Variants in MRPL46 observed in about 807,000 individuals in gnomAD.
MRPL46 encodes the protein large ribosomal subunit protein mL46.
In MRPL46, 26 loss-of-function variants were observed where a neutral mutation model predicts 31.0. The ratio of observed to expected loss-of-function variants is 0.84; its 90% CI spans 0.61 to 1.16. The LOEUF (loss-of-function observed/expected upper bound fraction) is 1.16, where lower values mean the gene tolerates loss of function less well. Ranked by LOEUF, MRPL46 falls within the 50% of genes most tolerant of loss-of-function variation. MRPL46 has a pLI of 0.00. For synonymous variants in MRPL46, 159 were observed against 141.3 expected, an observed-to-expected ratio of 1.13 and a Z score of -0.89; for missense variants, 395 against 340.0, an observed-to-expected ratio of 1.16 and a Z score of -1.27.
At position 88,467,339 on chromosome 15, in the gene MRPL46, C is replaced by T. The variant is rs773592658; in HGVS notation, c.39G>A (p.Ala13=). 2 of 1,601,810 alleles carry T rather than the reference C, an allele frequency of 1.2e-6. No homozygotes were observed. The highest frequency in any genetic ancestry group is 1.7e-6 in the Non-Finnish European group (2 of 1,174,278). ...GCCTCTCGAACCGCCGCCAACCCCC[C>T]GCCACCCCTAACAGCGTCCGCCTTA... The part of the protein sequence containing the change: ...APVRRTLLGV[A]GGWRRFERLW... Residue 13 remains alanine (A), a synonymous_variant, in exon 1 of 4, where the codon GCG becomes GCA. Transcript: ENST00000312475.
chr15:88,464,549 A>T lies in MRPL46; in HGVS notation c.589+154T>A, dbSNP rs2055504832. 4.0e-6 allele frequency: 3 copies of T among 752,362 alleles called. No homozygotes were observed. The Admixed American group carries it at 8.9e-5, about 22-fold the overall frequency. 46.6% of individuals were successfully genotyped at this position (752,362 alleles called of 1,614,324 possible). ...TAAAAAAAAAATAAAAAAAATCCTT[A>T]CCTGGGTTTTTCTGGCTGAAATTTT... is the stretch of plus-strand genomic sequence containing the variant. On this transcript the variant is annotated intron_variant, in intron 3 of 3. Transcript: ENST00000312475.
chr15:88,462,616 G>A (rs1490274920), intron 3 of MRPL46: 1 of 152,186 alleles, frequency 6.6e-6, no homozygotes, highest in African/African-American at 2.4e-5. Context: ...AACGTCAATT[G>A]TTATATACAT....
At chr15:88,460,701 T>C (rs2055470970) in intron 3 of MRPL46, 1 of 152,214 alleles carries the variant, frequency 6.6e-6, no homozygotes, top group Non-Finnish European at 1.5e-5. Flanking sequence ...TTCTGGATGG[T>C]TGTTTCATGG....
rs767211335 is a variant in MRPL46 at position 88,465,593 on chromosome 15, T to G, written c.409A>C (p.Ile137Leu). The G allele has an allele frequency of 6.2e-7, 1 of 1,603,704 alleles. No individual in the cohort carries two copies. The highest frequency in any genetic ancestry group is 2.2e-5 in the East Asian group (1 of 44,558). ...GGCCTAAAAGGATCACAACCTGTTA[T>G]GCGAGCTCCAAGTTTGAACTGTAGA... ...KFLQFKLGAR[I>L]TEADEKNDRT... Residue 137 changes from isoleucine to leucine, a missense_variant, in exon 2 of 4, where the codon ATA becomes CTA. Transcript: ENST00000312475.
chr15:88,467,166 G>A lies in MRPL46; in HGVS notation c.212C>T (p.Ala71Val), dbSNP rs1438349719. 1.2e-6 allele frequency: 2 copies of A among 1,613,894 alleles called. No individual in the cohort carries two copies. Among genetic ancestry groups the A allele is most frequent in the African/African-American group, 1.3e-5 (1 of 74,930 alleles). ...CAGTCCCACCTGCTGCAGTAGAGAC[G>A]CCATCTCTTCCTGCAATGGGGTCAA... Reference protein sequence around the residue: ...KPLTPLQEEMASLLQQIEIER... With the variant: ...KPLTPLQEEMVSLLQQIEIER... The change falls in exon 1 of 4, where the codon GCG becomes GTG. Residue 71 changes from alanine to valine, a missense_variant. Ala to Val is a moderately conservative substitution (Grantham distance 64, BLOSUM62 0). Coordinates refer to ENST00000312475, the MANE Select transcript of MRPL46 (RefSeq NM_022163.4).
At chr15:88,466,815 G>T (rs913127965) in intron 1 of MRPL46, among the ~76,000 whole-genome samples, 1 of 152,160 alleles carries the variant, frequency 6.6e-6, no homozygotes, top group Non-Finnish European at 1.5e-5. Flanking sequence ...ACCGCCTCTT[G>T]TATTTCCTTC....
At position 88,464,773 on chromosome 15, in the gene MRPL46, C is replaced by A; in HGVS notation, c.519G>T (p.Leu173=). The A allele has an allele frequency of 6.2e-7, 1 of 1,614,156 alleles. No homozygotes were observed. The highest frequency in any genetic ancestry group is 8.5e-7 in the Non-Finnish European group (1 of 1,180,036). Residue 173 remains leucine, a synonymous_variant, in exon 3 of 4, where the codon CTG becomes CTT. Transcript: ENST00000312475. The part of the protein sequence containing the change: ...EKFGDQDVWI[L]PQAEWQPGET... ...CCCCAGGCTGCCACTCTGCCTGGGG[C>A]AGTATCCAAACATCCTGGTCTCCAA...
At chr15:88,460,698 T>A (rs1279677955) in intron 3 of MRPL46, 1 of 152,230 alleles carries the variant, frequency 6.6e-6, no homozygotes, top group Non-Finnish European at 1.5e-5. Context: ...TCATTCTGGA[T>A]GGTTGTTTCA....
chr15:88,465,894 C>T, intron 1 of MRPL46, 121 bp from the exon 2 acceptor site: 1 of 907,552 alleles, frequency 1.1e-6, no homozygotes, highest in Non-Finnish European at 1.6e-6. Flanking sequence ...TATCACCCAA[C>T]ATAACCAGAT....
At chr15:88,464,517 A>T in intron 3 of MRPL46, 186 bp downstream of exon 3, 4 of 613,748 alleles carry the variant, frequency 6.5e-6, no homozygotes, top group South Asian at 2.2e-5. Context: ...TGGTCTAAAA[A>T]TAAAAATAAA....
At chr15:88,459,925 T>G (rs1008509785) in intron 3 of MRPL46, 62 bp from the exon 4 acceptor site, 16 of 1,588,648 alleles carry the variant, frequency 1.0e-5, no homozygotes, top group Non-Finnish European at 1.3e-5. Context: ...CTGTTTACTC[T>G]GGCTCCCAAA....
Position 88,464,797 on chromosome 15 carries a change from A to G in MRPL46, c.495T>C (p.Phe165=). 1 of 1,614,192 alleles carries G rather than the reference A, an allele frequency of 6.2e-7. No individual in the cohort carries two copies. The change falls in exon 3 of 4, where the codon TTT becomes TTC. Residue 165 remains phenylalanine (F), a synonymous_variant. Coordinates refer to ENST00000312475, the MANE Select transcript of MRPL46 (RefSeq NM_022163.4). ...GCAGTATCCAAACATCCTGGTCTCCAAACTTCTCTCTGACTAACAGGACAA... is the reference window on the plus strand; with the variant it reads ...GCAGTATCCAAACATCCTGGTCTCCGAACTTCTCTCTGACTAACAGGACAA... ...RNLVLLVREK[F]GDQDVWILPQ... is the part of the protein sequence containing the mutation.
chr15:88,466,600 G>C (rs891843521), intron 1 of MRPL46, among the ~76,000 whole-genome samples: 1 of 152,234 alleles, frequency 6.6e-6, no homozygotes, highest in African/African-American at 2.4e-5. Flanking sequence ...GCACAGAAGA[G>C]AAGTTTATAG....
In MRPL46 at chr15:88,459,717, C is replaced by T. The variant is rs1380346637; in HGVS notation, c.736G>A (p.Ala246Thr). The change falls in exon 4 of 4, where the codon GCT becomes ACT. Residue 246 changes from alanine (A) to threonine (T), a missense_variant. By Grantham distance (58) the Ala-to-Thr change is moderately conservative. Transcript: ENST00000312475. ...CACACATGATGGCCCTTATTCCCAG[C>T]CTGGGAAAAGTCTCCAGTTAATAGC... ...ALLLTGDFSQAGNKGHHVWVT... is the reference protein window; with the variant it reads ...ALLLTGDFSQTGNKGHHVWVT... The T allele has an allele frequency of 6.2e-7, 1 of 1,614,164 alleles. No homozygotes were observed. Among genetic ancestry groups the T allele is most frequent in the Admixed American group, 1.7e-5 (1 of 60,018 alleles).
rs1567041527 is a variant in MRPL46, at chr15:88,467,381, T to TCG, written c.-6_-5dup. ...TCCGCCTTACGGGCGCCGCCATCTT[T>TCG]CGTTCTCCCACAATGCACCGCGGCT... On this transcript the variant is annotated 5_prime_UTR_variant, in exon 1 of 4. Transcript: ENST00000312475. The TCG allele has an allele frequency of 5.8e-6, 9 of 1,563,404 alleles. No homozygotes were observed. Among genetic ancestry groups the TCG allele is most frequent in the Non-Finnish European group, 7.8e-6 (9 of 1,153,884 alleles).
chr15:88,465,474 T>C, intron 2 of MRPL46, 113 bp downstream of exon 2: 1 of 1,138,208 alleles, frequency 8.8e-7, no homozygotes, highest in Non-Finnish European at 1.2e-6. Context: ...AAGAAAAGAA[T>C]ATGAAATTAT....
At chr15:88,462,580 G>A (rs1210966767) in intron 3 of MRPL46, 1 of 152,116 alleles carries the variant, frequency 6.6e-6, no homozygotes, top group Admixed American at 6.5e-5. Flanking sequence ...TAGACAAAGA[G>A]GCACTCTCAG....
At position 88,464,594 on chromosome 15, in the gene MRPL46, AT is replaced by A. The variant is rs781425334; in HGVS notation, c.589+108del. On this transcript the variant is annotated intron_variant, in intron 3 of 3. Transcript: ENST00000312475. ...AATTTTTATAAACTTCAAAATTTCC[AT>A]TAACCTTCCCACCCCCACCCTTAAT... is the stretch of plus-strand genomic sequence containing the variant. The A allele has an allele frequency of 1.8e-5, 20 of 1,107,936 alleles. No homozygotes were observed. The East Asian group carries it at 3.0e-4, about 17-fold the overall frequency. The allele number at this position is 1,107,936 out of a possible 1,614,324, so 68.6% of individuals were successfully genotyped here.
intron 1 of MRPL46, among the ~76,000 whole-genome samples, 165 bp downstream of exon 1, chr15:88,466,985 T>C (rs2055545638): frequency 6.6e-6 from 1 of 152,114 alleles, no homozygotes; most frequent in South Asian, 2.1e-4. Context: ...ACACGGCCAA[T>C]GAAAAGAAAC....
Sources: allele counts gnomAD v4.1 joint callset (sites outside exome capture counted in the v4.1 genomes callset), GRCh38; gene constraint gnomAD v4.1.1; transcripts MANE v1.5; gene names NCBI Gene and HGNC (gene_info 2026-07-23, HGNC 2026-07-21).